CTNNA2: variants seen among roughly 807,000 people sequenced by gnomAD.
The protein encoded by CTNNA2 is catenin alpha 2.
A neutral mutation model predicts 101.0 loss-of-function variants in CTNNA2; 42 were observed. The ratio of observed to expected loss-of-function variants is 0.42; its 90% CI spans 0.32 to 0.54. CTNNA2 has a LOEUF of 0.54. Ranked by LOEUF, CTNNA2 falls within the 20% of genes least tolerant of loss-of-function variation. The pLI is 0.14. For synonymous variants in CTNNA2, 450 were observed against 456.4 expected (o/e 0.99, Z 0.18); for missense variants, 871 against 1,223.1 (o/e 0.71, Z 4.29).
intron 7 of CTNNA2, among the ~76,000 whole-genome samples, chr2:80,180,733 G>C (rs1236515239): frequency 6.6e-6 from 1 of 152,168 alleles, no homozygotes; most frequent in Non-Finnish European, 1.5e-5. Context: ...GCTAAGATGA[G>C]TAAGTCTAAA....
chr2:80,462,597 T>C (rs1033370724), intron 9 of CTNNA2, among the ~76,000 whole-genome samples: 6 of 151,272 alleles, frequency 4.0e-5, no homozygotes, highest in Non-Finnish European at 7.4e-5. Context: ...TGTATCTCAT[T>C]TTTCTCTCCC....
At chr2:79,268,432 G>A (rs931565556) in intron 2 of CTNNA2, among the ~76,000 whole-genome samples, 6 of 152,060 alleles carry the variant, frequency 3.9e-5, no homozygotes, top group African/African-American at 1.4e-4. Context: ...CTCTTCATCT[G>A]TATTCTTTGT....
chr2:80,229,826 A>C, intron 7 of CTNNA2, among the ~76,000 whole-genome samples: 1 of 152,168 alleles, frequency 6.6e-6, no homozygotes, highest in East Asian at 1.9e-4. Context: ...CTTATTATAA[A>C]CAGCAAAAGA....
chr2:80,573,812 G>A (rs993280137), intron 12 of CTNNA2, among the ~76,000 whole-genome samples: 6 of 152,176 alleles, frequency 3.9e-5, no homozygotes, highest in African/African-American at 1.4e-4. Flanking sequence ...AGGATTTACA[G>A]TAACCAGTAA....
chr2:80,468,602 G>C (rs1685048859), intron 9 of CTNNA2, among the ~76,000 whole-genome samples: 2 of 152,100 alleles, frequency 1.3e-5, no homozygotes, highest in Non-Finnish European at 2.9e-5. Flanking sequence ...ATTTTTAGTA[G>C]AGACGGGGTT....
At chr2:79,491,797 A>T (rs1183698308) in intron 4 of CTNNA2, among the ~76,000 whole-genome samples, 3 of 152,168 alleles carry the variant, frequency 2.0e-5, no homozygotes, top group Non-Finnish European at 4.4e-5. Context: ...CCATGCTTTT[A>T]AGCAGCAACA....
chr2:79,732,829 C>T (rs1338345100), intron 2 of CTNNA2, among the ~76,000 whole-genome samples: 5 of 152,096 alleles, frequency 3.3e-5, no homozygotes, highest in Admixed American at 2.0e-4. Context: ...AAGTTAGGCT[C>T]CTTTCTACCT....
chr2:80,553,234 AT>A (rs138583890), intron 11 of CTNNA2, among the ~76,000 whole-genome samples: 99,246 of 143,340 alleles, frequency 0.69, 34,585 homozygotes, highest in Admixed American at 0.74. Flanking sequence ...AAAAAAAAAA[AT>A]AAAATAAAAT....
chr2:80,319,930 G>A (rs184562105), intron 7 of CTNNA2, among the ~76,000 whole-genome samples: 61 of 152,308 alleles, frequency 4.0e-4, no homozygotes, highest in African/African-American at 1.9e-4. Flanking sequence ...AATGAGGCAA[G>A]GTTTTTTATC....
Position 79,496,593 on chromosome 2 carries a change from T to C in CTNNA2, c.-134-8461T>C, listed in dbSNP as rs1445215550. Among the ~76,000 whole-genome samples the C allele has an allele frequency of 4.6e-5, 7 of 152,220 alleles. No homozygotes were observed. The East Asian group carries it at 1.3e-3, about 29-fold the overall frequency. On this transcript the variant is annotated intron_variant, in intron 4 of 21. Transcript: ENST00000466387. The stretch of plus-strand genomic sequence containing the variant: ...ATCTTCCATTTTGGGGATTTATTAA[T>C]TTATTCATATTTACCTTTGCATCTG...
intron 1 of CTNNA2, among the ~76,000 whole-genome samples, chr2:79,533,278 A>C (rs1672854061): frequency 6.6e-6 from 1 of 152,134 alleles, no homozygotes; most frequent in Non-Finnish European, 1.5e-5. Context: ...GAATGTCTTT[A>C]AAGCAGGGAT....
intron 7 of CTNNA2, among the ~76,000 whole-genome samples, chr2:80,100,482 G>A (rs937600648): frequency 6.6e-6 from 1 of 151,996 alleles, no homozygotes; most frequent in Non-Finnish European, 1.5e-5. Flanking sequence ...TTCAAGTCTT[G>A]GTATCTTCAC....
chr2:79,966,458 A>T (rs926885637), intron 7 of CTNNA2, among the ~76,000 whole-genome samples: 5 of 152,126 alleles, frequency 3.3e-5, no homozygotes, highest in Non-Finnish European at 7.3e-5. Flanking sequence ...CTGGTCTCAA[A>T]TGCTTGGGCT....
chr2:80,423,338 T>A (rs1680700959), intron 9 of CTNNA2, among the ~76,000 whole-genome samples: 1 of 152,200 alleles, frequency 6.6e-6, no homozygotes, highest in Non-Finnish European at 1.5e-5. Flanking sequence ...CCCTCTAATC[T>A]ATGCTTAAGT....
chr2:80,294,594 C>G (rs149149864), intron 7 of CTNNA2, among the ~76,000 whole-genome samples: 1 of 152,142 alleles, frequency 6.6e-6, no homozygotes, highest in Non-Finnish European at 1.5e-5. Flanking sequence ...TAGCTCAGTG[C>G]TTCTCAGCCT....
intron 3 of CTNNA2, among the ~76,000 whole-genome samples, chr2:79,817,916 A>C (rs1247866400): frequency 6.6e-6 from 1 of 152,162 alleles, no homozygotes; most frequent in East Asian, 1.9e-4. Flanking sequence ...CCCCTCTCCC[A>C]AAAGGAGAGC....
intron 16 of CTNNA2, chr2:80,605,705 T>A (rs1341415988): frequency 6.6e-6 from 1 of 152,002 alleles, no homozygotes; most frequent in East Asian, 1.9e-4. Flanking sequence ...CTCATGATTT[T>A]ACTATCAGGA....
At chr2:80,196,174 C>G (rs903376683) in intron 7 of CTNNA2, among the ~76,000 whole-genome samples, 20 of 151,928 alleles carry the variant, frequency 1.3e-4, no homozygotes, top group African/African-American at 4.8e-4. Flanking sequence ...AAAACATATA[C>G]CCAAATTAAG....
chr2:80,385,607 C>G (rs138522526), intron 7 of CTNNA2, among the ~76,000 whole-genome samples: 96 of 152,216 alleles, frequency 6.3e-4, no homozygotes, highest in African/African-American at 2.2e-3. Flanking sequence ...ACTCCAAAAG[C>G]TGACTTCTCT....
Sources: gnomAD v4.1 joint callset for allele counts (sites outside exome capture counted in the v4.1 genomes callset) on GRCh38, gnomAD v4.1.1 for gene constraint, MANE v1.5 for transcripts, NCBI Gene and HGNC (gene_info 2026-07-23, HGNC 2026-07-21) for gene names.